TCHP: variants seen among roughly 807,000 people sequenced by gnomAD.
The protein encoded by TCHP is trichoplein keratin filament binding.
TCHP carries 81 observed loss-of-function variants against 88.7 expected under a neutral mutation model. The observed-to-expected ratio is 0.91, with a 90% CI of 0.76 to 1.10. The LOEUF (loss-of-function observed/expected upper bound fraction) is 1.10. Ranked by LOEUF, TCHP falls within the 50% of genes least tolerant of loss-of-function variation. TCHP has a pLI of 0.00. For synonymous variants in TCHP, 232 were observed against 232.5 expected, an observed-to-expected ratio of 1.00 and a Z score of 0.02; for missense variants, 641 against 632.1, an observed-to-expected ratio of 1.01 and a Z score of -0.15.
intron 1 of TCHP, among the ~76,000 whole-genome samples, chr12:109,901,965 A>G (rs1351192931): frequency 6.6e-6 from 1 of 152,240 alleles, no homozygotes; most frequent in Non-Finnish European, 1.5e-5. Flanking sequence ...TACCTGCCAA[A>G]TAGCGAGGTG....
the TCHP span, among the ~76,000 whole-genome samples, chr12:109,885,440 C>T: frequency 5.3e-5 from 8 of 150,188 alleles, no homozygotes; most frequent in Non-Finnish European, 3.0e-5. Flanking sequence ...ACAGATGACA[C>T]AGTGATTTTT....
At chr12:109,894,207 T>C in the TCHP span, among the ~76,000 whole-genome samples, 5 of 147,194 alleles carry the variant, frequency 3.4e-5, no homozygotes, top group Admixed American at 3.4e-4. Flanking sequence ...AAATGTAATC[T>C]CAGCACTTTG....
At chr12:109,913,575 C>T (rs765252941) in intron 10 of TCHP, among the ~76,000 whole-genome samples, 8 of 152,320 alleles carry the variant, frequency 5.3e-5, no homozygotes, top group South Asian at 2.1e-4. Context: ...CACGTTTCCC[C>T]CCTCGGGGTA....
chr12:109,904,717 A>C lies in TCHP; in HGVS notation c.400-20A>C, dbSNP rs1394368068. On this transcript the variant is annotated intron_variant, in intron 3 of 12. Coordinates refer to ENST00000405876, the MANE Select transcript of TCHP (RefSeq NM_001143852.2). ...TTTGAAAAATGACATCAGGCTTTCCATTTTGTGTTTTCTTGATAGATTGCT... is the reference window on the plus strand; with the variant it reads ...TTTGAAAAATGACATCAGGCTTTCCCTTTTGTGTTTTCTTGATAGATTGCT... The C allele has an allele frequency of 1.2e-6, 2 of 1,608,068 alleles. No homozygotes were observed. Among genetic ancestry groups the C allele is most frequent in the Admixed American group, 1.7e-5 (1 of 58,292 alleles).
chr12:109,900,032 C>T (rs527654139), upstream of TCHP, among the ~76,000 whole-genome samples: 62 of 152,312 alleles, frequency 4.1e-4, no homozygotes, highest in South Asian at 2.1e-3. Context: ...TTCTCACGCG[C>T]AGCCAGGTTT....
At chr12:109,894,815 C>T in the TCHP span, among the ~76,000 whole-genome samples, 1 of 151,668 alleles carries the variant, frequency 6.6e-6, no homozygotes, top group Non-Finnish European at 1.5e-5. Context: ...AGGGCATTCC[C>T]CTAGCAGGTT....
At chr12:109,882,415 G>C in the TCHP span, among the ~76,000 whole-genome samples, 2 of 143,988 alleles carry the variant, frequency 1.4e-5, no homozygotes, top group Non-Finnish European at 3.0e-5. Flanking sequence ...GCCAGAGCGA[G>C]CGAGACTCCG....
At chr12:109,901,914 G>T (rs561976992) in intron 1 of TCHP, among the ~76,000 whole-genome samples, 1 of 152,088 alleles carries the variant, frequency 6.6e-6, no homozygotes, top group East Asian at 1.9e-4. Flanking sequence ...TCTCTAACTC[G>T]CTCGGGTACA....
upstream of TCHP, among the ~76,000 whole-genome samples, chr12:109,897,370 T>C (rs1000792855): frequency 6.6e-6 from 1 of 152,140 alleles, no homozygotes; most frequent in African/African-American, 2.4e-5. Context: ...TTAGGAATGG[T>C]TGCCCTCCGG....
rs200713074 is a variant in TCHP at position 109,904,071 on chromosome 12, G to A, written c.323G>A (p.Ser108Asn). The change falls in exon 3 of 13, where the codon AGC (serine) becomes AAC (asparagine). Residue 108 changes from serine (S) to asparagine (N), a missense_variant. By Grantham distance (46) the Ser-to-Asn change is conservative (BLOSUM62 1). Transcript: ENST00000405876. ...LARELEELRLSMNLQERRIRE... is the reference protein window; with the variant it reads ...LARELEELRLNMNLQERRIRE... ...AGAGAACTGGAGGAGCTGAGGCTGAGCATGAACTTGCAGGAAAGAAGAATC... is the reference window on the plus strand; with the variant it reads ...AGAGAACTGGAGGAGCTGAGGCTGAACATGAACTTGCAGGAAAGAAGAATC... 5 of 1,601,508 alleles carry A rather than the reference G, an allele frequency of 3.1e-6. No individual in the cohort carries two copies. In the East Asian group the frequency reaches 6.8e-5, roughly 22 times the overall value.
the TCHP span, among the ~76,000 whole-genome samples, chr12:109,890,329 C>G: frequency 6.7e-6 from 1 of 149,398 alleles, no homozygotes; most frequent in African/African-American, 2.5e-5. Flanking sequence ...GTTAGCTGGG[C>G]ATGGGGGCGC....
chr12:109,910,643 CTAAT>C (rs1870430944), intron 8 of TCHP, among the ~76,000 whole-genome samples: 3 of 152,190 alleles, frequency 2.0e-5, no homozygotes, highest in African/African-American at 7.2e-5. Context: ...TACATAGTAG[CTAAT>C]TCCCCACCAA....
chr12:109,903,503 T>C lies in TCHP; in HGVS notation c.188+289T>C, dbSNP rs1182181710. On this transcript the variant is annotated intron_variant, in intron 2 of 12. Coordinates refer to ENST00000405876, the MANE Select transcript of TCHP (RefSeq NM_001143852.2). The surrounding 1 kb of genome is among the most constrained non-coding windows in gnomAD (Gnocchi z 4.6). ...CAGTCTGGCACATATCCTTCCATGC[T>C]GTTTCCCACTGGTATTTGTGCTTAA... Among the ~76,000 whole-genome samples the C allele has an allele frequency of 3.9e-5, 6 of 152,246 alleles. No homozygotes were observed. The highest frequency in any genetic ancestry group is 1.4e-4 in the African/African-American group (6 of 41,470).
chr12:109,897,107 C>G (rs907541308), upstream of TCHP, among the ~76,000 whole-genome samples: 1 of 152,188 alleles, frequency 6.6e-6, no homozygotes, highest in East Asian at 1.9e-4. Flanking sequence ...TCAGCTGCGG[C>G]TCCTCAGGCA....
chr12:109,882,727 G>A, the TCHP span, among the ~76,000 whole-genome samples: 3,486 of 144,558 alleles, frequency 0.024, 97 homozygotes, highest in African/African-American at 0.067. Flanking sequence ...GTGCAATCTC[G>A]GCTCACTGCA....
chr12:109,904,880 C>A (rs16940657), intron 4 of TCHP, 87 bp downstream of exon 4: 1 of 1,257,336 alleles, frequency 8.0e-7, no homozygotes, highest in Non-Finnish European at 1.1e-6. Context: ...TATCTTGTAC[C>A]GGGTTGAAAC....
chr12:109,889,420 C>A, the TCHP span, among the ~76,000 whole-genome samples: 1 of 151,542 alleles, frequency 6.6e-6, no homozygotes, highest in South Asian at 2.1e-4. Flanking sequence ...TTGCAGTGAG[C>A]CTGCTGCACT....
chr12:109,914,882 G>A, intron 11 of TCHP: 1 of 457,266 alleles, frequency 2.2e-6, no homozygotes, highest in Non-Finnish European at 4.0e-6. Flanking sequence ...CAAGCAGTTG[G>A]CTTACCGGGG....
intron 1 of TCHP, among the ~76,000 whole-genome samples, chr12:109,901,590 C>T (rs1869798806): frequency 6.6e-6 from 1 of 152,196 alleles, no homozygotes; most frequent in South Asian, 2.1e-4. Flanking sequence ...AAAGATAACA[C>T]CATAAAACCT....
Sources: allele counts gnomAD v4.1 joint callset (sites outside exome capture counted in the v4.1 genomes callset), GRCh38; gene constraint gnomAD v4.1.1; non-coding constraint Gnocchi (gnomAD v3.1); transcripts MANE v1.5; gene names NCBI Gene and HGNC (gene_info 2026-07-23, HGNC 2026-07-21).